Variants in MATCAP2 observed in about 807,000 individuals in gnomAD.
MATCAP2 encodes the protein putative tyrosine carboxypeptidase MATCAP2.
At chr7:36,330,578 C>A in the MATCAP2 span, among the ~76,000 whole-genome samples, 3 of 152,110 alleles carry the variant, frequency 2.0e-5, no homozygotes, top group African/African-American at 7.2e-5. Context: ...TTGAAGTGGA[C>A]TCTATTTTAG....
At chr7:36,349,094 T>C in the MATCAP2 span, among the ~76,000 whole-genome samples, 1 of 152,220 alleles carries the variant, frequency 6.6e-6, no homozygotes. Flanking sequence ...AGAATACAGT[T>C]GACCTTGGTA....
chr7:36,345,708 A>G, the MATCAP2 span, among the ~76,000 whole-genome samples: 1 of 152,192 alleles, frequency 6.6e-6, no homozygotes, highest in Non-Finnish European at 1.5e-5. Context: ...TTAACTCAAA[A>G]TGGATCCAAG....
chr7:36,334,453 T>G, the MATCAP2 span, among the ~76,000 whole-genome samples: 1 of 142,382 alleles, frequency 7.0e-6, no homozygotes, highest in African/African-American at 2.6e-5. Context: ...AGAGGATCAC[T>G]TAAGCCTGGG....
At chr7:36,336,077 TAAAATAAATA>T in the MATCAP2 span, 1 of 1,126,132 alleles carries the variant, frequency 8.9e-7, no homozygotes, top group African/African-American at 1.6e-5. Context: ...TTTCAAAAAA[TAAAATAAATA>T]AAATAAAATA....
the MATCAP2 span, among the ~76,000 whole-genome samples, chr7:36,370,778 G>A: frequency 4.6e-5 from 7 of 152,150 alleles, no homozygotes; most frequent in South Asian, 2.1e-4. Flanking sequence ...ACCACGCCTC[G>A]CCATTAAAAC....
the MATCAP2 span, chr7:36,367,026 G>C: frequency 8.1e-5 from 104 of 1,279,088 alleles, no homozygotes; most frequent in Non-Finnish European, 1.0e-4. Flanking sequence ...CCTCTGACCC[G>C]GGCCTCGGTG....
the MATCAP2 span, among the ~76,000 whole-genome samples, chr7:36,353,257 C>A: frequency 1.3e-5 from 2 of 152,014 alleles, no homozygotes; most frequent in Admixed American, 6.5e-5. Context: ...CCAGCCTGGG[C>A]GACAGAGCAA....
the MATCAP2 span, among the ~76,000 whole-genome samples, chr7:36,373,192 A>G: frequency 6.6e-6 from 1 of 152,118 alleles, no homozygotes; most frequent in Non-Finnish European, 1.5e-5. Flanking sequence ...TGCTGGGGTA[A>G]GTAAATCAGA....
chr7:36,384,183 G>C, the MATCAP2 span, among the ~76,000 whole-genome samples: 22 of 152,182 alleles, frequency 1.4e-4, no homozygotes, highest in African/African-American at 5.3e-4. Context: ...ATCTGCAAAA[G>C]ACATAATTAT....
At chr7:36,326,995 C>A in the MATCAP2 span, 1 of 1,330,456 alleles carries the variant, frequency 7.5e-7, no homozygotes, top group South Asian at 1.4e-5. Context: ...TTCCCTGGGC[C>A]TTAAATGAAA....
chr7:36,344,214 A>G, the MATCAP2 span, among the ~76,000 whole-genome samples: 2 of 152,218 alleles, frequency 1.3e-5, no homozygotes, highest in African/African-American at 4.8e-5. Flanking sequence ...TCCCTAGAGT[A>G]AATGACTAAC....
the MATCAP2 span, chr7:36,383,809 T>C: frequency 8.2e-7 from 1 of 1,218,302 alleles, no homozygotes; most frequent in Non-Finnish European, 1.2e-6. Flanking sequence ...ACTTAAAGTA[T>C]AATAATAATT....
the MATCAP2 span, among the ~76,000 whole-genome samples, chr7:36,336,609 C>T: frequency 6.6e-6 from 1 of 152,056 alleles, no homozygotes; most frequent in South Asian, 2.1e-4. Context: ...GGGAGAGGGG[C>T]TCCTGGCTTC....
At chr7:36,331,220 A>ACTAT in the MATCAP2 span, 1 of 573,884 alleles carries the variant, frequency 1.7e-6, no homozygotes, top group Non-Finnish European at 3.2e-6. Context: ...TTTTTATTTA[A>ACTAT]CTATCTTCAT....
the MATCAP2 span, chr7:36,383,946 T>C: frequency 1.3e-6 from 2 of 1,482,746 alleles, no homozygotes; most frequent in Non-Finnish European, 1.8e-6. Flanking sequence ...AATAAAAAGA[T>C]TTGTGTTATT....
chr7:36,328,861 C>T, the MATCAP2 span, among the ~76,000 whole-genome samples: 5 of 151,670 alleles, frequency 3.3e-5, no homozygotes, highest in Non-Finnish European at 5.9e-5. Context: ...CTGACCAACA[C>T]GGAGAAACCC....
chr7:36,356,926 G>A, the MATCAP2 span: 36 of 1,613,960 alleles, frequency 2.2e-5, no homozygotes, highest in Non-Finnish European at 2.6e-5. Context: ...GGTCAGATGC[G>A]TGGCTATGCT....
chr7:36,378,683 C>T, the MATCAP2 span, among the ~76,000 whole-genome samples: 78 of 152,334 alleles, frequency 5.1e-4, no homozygotes, highest in Middle Eastern at 3.4e-3. Context: ...GCCTTTTGTT[C>T]GGCTCTGCCC....
At chr7:36,366,553 T>G in the MATCAP2 span, 1 of 903,242 alleles carries the variant, frequency 1.1e-6, no homozygotes, top group Non-Finnish European at 1.6e-6. Context: ...TAGCTTATTT[T>G]TTCTGAACAT....
Sources: gnomAD v4.1 joint callset for allele counts (sites outside exome capture counted in the v4.1 genomes callset) on GRCh38, gnomAD v4.1.1 for gene constraint, MANE v1.5 for transcripts, NCBI Gene and HGNC (gene_info 2026-07-23, HGNC 2026-07-21) for gene names.